MSRA: variants seen among roughly 807,000 people sequenced by gnomAD.
MSRA encodes methionine sulfoxide reductase A.
In MSRA, 54 loss-of-function variants were observed where a neutral mutation model predicts 31.3. The observed-to-expected ratio is 1.73, with a 90% CI of 1.39 to 2.17. The LOEUF (loss-of-function observed/expected upper bound fraction) is 2.17, where lower values mean the gene tolerates loss of function less well. Among genes scored for constraint, MSRA ranks in the 30% most tolerant of loss-of-function variants. The pLI, the probability that MSRA is intolerant of heterozygous loss-of-function variation, is 0.00. For missense variants in MSRA, 507 were observed against 300.9 expected (o/e 1.69, Z -5.07); for synonymous variants, 169 against 116.5 (o/e 1.45, Z -2.90).
At chr8:10,244,151 C>T (rs981952236) in intron 2 of MSRA, among the ~76,000 whole-genome samples, 1 of 152,102 alleles carries the variant, frequency 6.6e-6, no homozygotes. Flanking sequence ...AACTGTTGTT[C>T]CACTCAGGAT....
chr8:10,264,841 G>T (rs1459368527), intron 3 of MSRA, among the ~76,000 whole-genome samples: 5 of 152,192 alleles, frequency 3.3e-5, no homozygotes, highest in African/African-American at 1.2e-4. Flanking sequence ...CAGTTAGATA[G>T]TCCCACCTGC....
intron 4 of MSRA, among the ~76,000 whole-genome samples, chr8:10,315,080 G>C (rs1216282232): frequency 1.3e-5 from 2 of 152,042 alleles, no homozygotes; most frequent in Non-Finnish European, 2.9e-5. Context: ...GTGTGTAGGG[G>C]AACTGACCTT....
intron 1 of MSRA, among the ~76,000 whole-genome samples, chr8:10,064,876 A>G (rs891697867): frequency 3.9e-5 from 6 of 152,220 alleles, no homozygotes; most frequent in African/African-American, 1.2e-4. Context: ...AGTCATGAAA[A>G]TGAAATACTT....
intron 5 of MSRA, among the ~76,000 whole-genome samples, chr8:10,404,008 G>A (rs1807633671): frequency 1.3e-5 from 2 of 152,168 alleles, no homozygotes; most frequent in Non-Finnish European, 2.9e-5. Flanking sequence ...GGGGACTGTT[G>A]CTCACTGTAG....
chr8:10,150,152 G>A (rs184917644), intron 1 of MSRA, among the ~76,000 whole-genome samples: 3 of 152,020 alleles, frequency 2.0e-5, no homozygotes, highest in East Asian at 3.9e-4. Context: ...GGGGGTAATC[G>A]GCAGTGAGGG....
intron 1 of MSRA, among the ~76,000 whole-genome samples, chr8:10,161,888 T>A (rs1804688879): frequency 6.6e-6 from 1 of 152,114 alleles, no homozygotes; most frequent in South Asian, 2.1e-4. Context: ...TCTGACACTT[T>A]GTCTTTAAAA....
chr8:10,331,234 C>G (rs1802677202), intron 5 of MSRA, among the ~76,000 whole-genome samples: 1 of 152,168 alleles, frequency 6.6e-6, no homozygotes, highest in Non-Finnish European at 1.5e-5. Flanking sequence ...CCCGAGCTGA[C>G]AAGAGAGCCC....
chr8:10,196,619 G>A (rs1270969202), intron 1 of MSRA, among the ~76,000 whole-genome samples: 1 of 151,978 alleles, frequency 6.6e-6, no homozygotes, highest in East Asian at 1.9e-4. Flanking sequence ...GTGCAATCTC[G>A]ACTCATCGCA....
At chr8:10,264,878 C>T (rs533965310) in intron 3 of MSRA, among the ~76,000 whole-genome samples, 2 of 152,228 alleles carry the variant, frequency 1.3e-5, no homozygotes, top group Non-Finnish European at 2.9e-5. Context: ...AGGGCCAAAT[C>T]GCAGGGTGGG....
chr8:10,390,837 G>A (rs1378822346), intron 5 of MSRA, among the ~76,000 whole-genome samples: 3 of 152,066 alleles, frequency 2.0e-5, no homozygotes, highest in African/African-American at 4.8e-5. Flanking sequence ...TTATCTGGGC[G>A]CGGTGGCAGG....
chr8:10,207,929 C>T (rs747229017), intron 2 of MSRA, 28 bp downstream of exon 2: 1 of 1,585,456 alleles, frequency 6.3e-7, no homozygotes, highest in Non-Finnish European at 8.6e-7. Context: ...AAAGAAAACC[C>T]AAATTGTGTG....
intron 2 of MSRA, 75 bp downstream of exon 2, chr8:10,207,976 GTTCTCA>G: frequency 8.3e-7 from 1 of 1,208,618 alleles, no homozygotes; most frequent in Non-Finnish European, 1.2e-6. Context: ...TTTAGCAAGT[GTTCTCA>G]GGGCTTCAAA....
chr8:10,073,353 A>G (rs1585089597), intron 1 of MSRA, among the ~76,000 whole-genome samples: 1 of 152,156 alleles, frequency 6.6e-6, no homozygotes. Context: ...CTGTTTAAAT[A>G]AAGTTTTATT....
chr8:10,213,946 T>G (rs1436823279), intron 2 of MSRA, among the ~76,000 whole-genome samples: 2 of 152,130 alleles, frequency 1.3e-5, no homozygotes, highest in African/African-American at 4.8e-5. Flanking sequence ...GAAACCTTAA[T>G]GTTGATAAAT....
At chr8:10,381,228 C>T (rs946585704) in intron 5 of MSRA, among the ~76,000 whole-genome samples, 2 of 152,184 alleles carry the variant, frequency 1.3e-5, no homozygotes, top group African/African-American at 4.8e-5. Flanking sequence ...CACCCACTCT[C>T]CCATGTTCCT....
At chr8:10,122,670 C>T (rs932494378) in intron 1 of MSRA, among the ~76,000 whole-genome samples, 2 of 151,970 alleles carry the variant, frequency 1.3e-5, no homozygotes, top group Admixed American at 1.3e-4. Flanking sequence ...ATTTTTTCTG[C>T]TCTTGTCCTT....
intron 2 of MSRA, among the ~76,000 whole-genome samples, chr8:10,238,797 T>A (rs1173373552): frequency 6.6e-6 from 1 of 152,188 alleles, no homozygotes; most frequent in Non-Finnish European, 1.5e-5. Context: ...AGCTTAAAAT[T>A]TTAAAGCTTC....
At chr8:10,068,675 T>A (rs1453841844) in intron 1 of MSRA, among the ~76,000 whole-genome samples, 1 of 152,254 alleles carries the variant, frequency 6.6e-6, no homozygotes, top group East Asian at 1.9e-4. Context: ...AATAGACAAA[T>A]GTCTTTTCTT....
intron 3 of MSRA, among the ~76,000 whole-genome samples, chr8:10,260,260 C>G (rs916801957): frequency 6.6e-6 from 1 of 152,166 alleles, no homozygotes; most frequent in Admixed American, 6.5e-5. Context: ...TGAGGGATCT[C>G]ACATGACAAG....
Sources: gnomAD v4.1 joint callset for allele counts (sites outside exome capture counted in the v4.1 genomes callset) on GRCh38, gnomAD v4.1.1 for gene constraint, MANE v1.5 for transcripts, NCBI Gene and HGNC (gene_info 2026-07-23, HGNC 2026-07-21) for gene names.